Variants in PHLDB2 observed in about 807,000 individuals in gnomAD.
PHLDB2 encodes pleckstrin homology like domain family B member 2.
Under a neutral mutation model 123.6 loss-of-function variants are expected in PHLDB2, and 71 were observed. The ratio of observed to expected loss-of-function variants is 0.57; its 90% CI spans 0.47 to 0.70. PHLDB2 has a LOEUF of 0.70. Ranked by LOEUF, PHLDB2 falls within the 30% of genes least tolerant of loss-of-function variation. PHLDB2 has a pLI of 0.00. For synonymous variants in PHLDB2, 547 were observed against 541.6 expected (o/e 1.01, Z -0.14); for missense variants, 1,446 against 1,519.5 (o/e 0.95, Z 0.80).
rs2072045694 is a variant in PHLDB2 at position 111,969,769 on chromosome 3, A to G, written c.3395A>G (p.Asn1132Ser). ...LRSHVETAGH[N>S]IDTCYHVSIT... ...AGCCATGTAGAGACTGCTGGCCACA[A>G]TATTGACACCTGTTACCATGTATCA... Residue 1132 changes from asparagine to serine, a missense_variant, in exon 16 of 18, where the codon AAT (asparagine) becomes AGT (serine). Asn to Ser is a conservative substitution (Grantham distance 46). Coordinates refer to ENST00000431670, the MANE Select transcript of PHLDB2 (RefSeq NM_001134438.2). The G allele has an allele frequency of 6.2e-7, 1 of 1,614,060 alleles. No homozygotes were observed. Among genetic ancestry groups the G allele is most frequent in the Non-Finnish European group, 8.5e-7 (1 of 1,179,908 alleles).
chr3:111,828,638 G>A (rs192918463), intron 1 of PHLDB2, among the ~76,000 whole-genome samples: 23 of 152,184 alleles, frequency 1.5e-4, no homozygotes, highest in Admixed American at 9.2e-4. Context: ...AAAATTAGCC[G>A]GGTGTGGTGG....
At chr3:111,904,480 G>T (rs2067399555) in intron 2 of PHLDB2, among the ~76,000 whole-genome samples, 1 of 152,120 alleles carries the variant, frequency 6.6e-6, no homozygotes, top group South Asian at 2.1e-4. Flanking sequence ...GGGATGTCCA[G>T]TCTGCATAAA....
chr3:111,753,767 G>A (rs1294867193), intron 1 of PHLDB2, among the ~76,000 whole-genome samples: 1 of 152,018 alleles, frequency 6.6e-6, no homozygotes, highest in East Asian at 1.9e-4. Context: ...TTCTTCTAGG[G>A]TGTTTATGGT....
At chr3:111,797,205 G>A (rs2061194592) in intron 1 of PHLDB2, among the ~76,000 whole-genome samples, 1 of 152,148 alleles carries the variant, frequency 6.6e-6, no homozygotes, top group Non-Finnish European at 1.5e-5. Flanking sequence ...CATTATCTAT[G>A]TGTTGACGTG....
chr3:111,788,496 AAAG>A (rs1156863873), intron 1 of PHLDB2, among the ~76,000 whole-genome samples: 1 of 152,222 alleles, frequency 6.6e-6, no homozygotes, highest in Non-Finnish European at 1.5e-5. Context: ...CCCTAAATGA[AAAG>A]AAGATCTTTA....
At chr3:111,768,008 G>GA (rs922238897) in intron 1 of PHLDB2, among the ~76,000 whole-genome samples, 5 of 151,974 alleles carry the variant, frequency 3.3e-5, no homozygotes, top group Non-Finnish European at 5.9e-5. Flanking sequence ...AGTTAAATTT[G>GA]AAAAAACAGA....
intron 2 of PHLDB2, among the ~76,000 whole-genome samples, chr3:111,901,359 CAA>C (rs10710041): frequency 3.4e-4 from 37 of 109,638 alleles, no homozygotes; most frequent in Admixed American, 2.9e-4. Flanking sequence ...GACTCTGTCT[CAA>C]AAAAAAAAAA....
chr3:111,830,334 G>A (rs1280879662), intron 1 of PHLDB2, among the ~76,000 whole-genome samples: 5 of 151,992 alleles, frequency 3.3e-5, no homozygotes, highest in African/African-American at 9.7e-5. Flanking sequence ...AGAAAGAAAC[G>A]AGACTGACAA....
At chr3:111,829,887 C>T (rs1205191011) in intron 1 of PHLDB2, among the ~76,000 whole-genome samples, 3 of 150,272 alleles carry the variant, frequency 2.0e-5, no homozygotes, top group Non-Finnish European at 4.4e-5. Context: ...TTTCATATCA[C>T]CTTACATTTT....
intron 1 of PHLDB2, among the ~76,000 whole-genome samples, chr3:111,818,057 A>G (rs1002734281): frequency 2.0e-5 from 3 of 152,042 alleles, no homozygotes; most frequent in African/African-American, 4.8e-5. Flanking sequence ...ATCTCTTGTG[A>G]AAAAAGGCCT....
chr3:111,737,234 C>G (rs764397524), intron 1 of PHLDB2, among the ~76,000 whole-genome samples: 5 of 152,178 alleles, frequency 3.3e-5, no homozygotes, highest in Non-Finnish European at 7.4e-5. Flanking sequence ...GTTTTCTTAT[C>G]CCTAATGTTT....
chr3:111,903,709 A>G (rs1027463927), intron 2 of PHLDB2, among the ~76,000 whole-genome samples: 6 of 152,192 alleles, frequency 3.9e-5, no homozygotes, highest in African/African-American at 1.4e-4. Flanking sequence ...CATGACTGAC[A>G]AAGAGTGAGC....
intron 5 of PHLDB2, among the ~76,000 whole-genome samples, chr3:111,924,896 T>C (rs2068732430): frequency 6.6e-6 from 1 of 152,172 alleles, no homozygotes; most frequent in African/African-American, 2.4e-5. Flanking sequence ...TGGCTTAACA[T>C]TGGCTCAGTG....
intron 1 of PHLDB2, among the ~76,000 whole-genome samples, chr3:111,787,042 G>T (rs574276164): frequency 1.3e-5 from 2 of 152,246 alleles, no homozygotes; most frequent in South Asian, 4.1e-4. Context: ...TGATTCAAGG[G>T]CAATTAAAGT....
chr3:111,780,399 A>AGAAG (rs1553726799), intron 1 of PHLDB2, among the ~76,000 whole-genome samples: 3,617 of 74,356 alleles, frequency 0.049, 1,260 homozygotes, highest in East Asian at 0.093. Flanking sequence ...AAGAAGAAGA[A>AGAAG]GAAGAAGAAG....
intron 1 of PHLDB2, among the ~76,000 whole-genome samples, chr3:111,834,297 A>C (rs1349776765): frequency 1.2e-4 from 17 of 137,250 alleles, no homozygotes; most frequent in Admixed American, 1.2e-3. Context: ...TATTATATAC[A>C]TAATATATAT....
intron 2 of PHLDB2, among the ~76,000 whole-genome samples, chr3:111,852,579 T>C (rs2064305334): frequency 6.6e-6 from 1 of 152,018 alleles, no homozygotes; most frequent in Non-Finnish European, 1.5e-5. Flanking sequence ...TTCTCTTCAG[T>C]ATCGAGGAAT....
At chr3:111,972,575 A>ATGTTTTCTATTCTATTC (rs67759225) in intron 16 of PHLDB2, among the ~76,000 whole-genome samples, 10 of 147,792 alleles carry the variant, frequency 6.8e-5, no homozygotes, top group Non-Finnish European at 9.1e-5. Context: ...ATTCACTTCT[A>ATGTTTTCTATTCTATTC]TATATGTTTC....
intron 5 of PHLDB2, among the ~76,000 whole-genome samples, chr3:111,923,935 G>A (rs1296039040): frequency 1.3e-5 from 2 of 152,168 alleles, no homozygotes; most frequent in East Asian, 1.9e-4. Context: ...ATATTACTGT[G>A]GTTTGCATCA....
Sources: allele counts gnomAD v4.1 joint callset (sites outside exome capture counted in the v4.1 genomes callset), GRCh38; gene constraint gnomAD v4.1.1; transcripts MANE v1.5; gene names NCBI Gene and HGNC (gene_info 2026-07-23, HGNC 2026-07-21).